Variants in RBFOX1 observed in about 807,000 individuals in gnomAD.
RBFOX1 encodes the protein RNA binding protein fox-1 homolog 1.
RBFOX1 carries 8 observed loss-of-function variants against 57.7 expected under a neutral mutation model. That is an observed-to-expected ratio of 0.14 (90% confidence interval 0.08 to 0.25). The LOEUF is 0.25. RBFOX1 is among the 10% of genes least tolerant of loss of function. The probability of loss-of-function intolerance (pLI) is 1.00; values close to 1 mark genes in which losing one functional copy is unlikely to be tolerated. For synonymous variants in RBFOX1, 326 were observed against 222.4 expected, an observed-to-expected ratio of 1.47 and a Z score of -4.15; for missense variants, 611 against 548.5, an observed-to-expected ratio of 1.11 and a Z score of -1.14.
intron 4 of RBFOX1, among the ~76,000 whole-genome samples, chr16:7,514,832 A>G (rs542569608): frequency 1.3e-5 from 2 of 152,190 alleles, no homozygotes; most frequent in Non-Finnish European, 2.9e-5. Flanking sequence ...TGCAAGAACT[A>G]GTAGGAATGG....
chr16:5,434,317 CTTTTTT>C (rs5815245), intron 1 of RBFOX1, among the ~76,000 whole-genome samples: 66 of 79,732 alleles, frequency 8.3e-4, no homozygotes, highest in African/African-American at 3.0e-3. Flanking sequence ...TGCTGAAGTC[CTTTTTT>C]TTTTTTTTTT....
At chr16:6,881,106 A>C (rs2062846090) in intron 3 of RBFOX1, among the ~76,000 whole-genome samples, 1 of 152,162 alleles carries the variant, frequency 6.6e-6, no homozygotes, top group African/African-American at 2.4e-5. Flanking sequence ...AGCTGGTCTT[A>C]CCATGCTTCT....
intron 2 of RBFOX1, among the ~76,000 whole-genome samples, chr16:5,581,518 C>G (rs192390649): frequency 2.0e-5 from 3 of 152,268 alleles, no homozygotes; most frequent in East Asian, 3.9e-4. Flanking sequence ...TAACTAATTA[C>G]AAGCTTTAGG....
chr16:6,694,342 G>C (rs747116477), intron 3 of RBFOX1, among the ~76,000 whole-genome samples: 1 of 152,094 alleles, frequency 6.6e-6, no homozygotes, highest in Non-Finnish European at 1.5e-5. Flanking sequence ...ATTTGGAGTT[G>C]GCGGAGATTA....
intron 1 of RBFOX1, among the ~76,000 whole-genome samples, chr16:6,180,272 T>G (rs886984236): frequency 7.1e-6 from 1 of 140,432 alleles, no homozygotes; most frequent in Non-Finnish European, 1.5e-5. Context: ...TTATGTGAAG[T>G]TTTTTTTGCC....
At chr16:5,443,390 T>G (rs2068144600) in intron 1 of RBFOX1, among the ~76,000 whole-genome samples, 1 of 152,142 alleles carries the variant, frequency 6.6e-6, no homozygotes, top group Non-Finnish European at 1.5e-5. Context: ...CAGGCTGGAG[T>G]GCAGTGTCGC....
intron 2 of RBFOX1, among the ~76,000 whole-genome samples, chr16:6,370,969 A>C (rs1013433215): frequency 1.3e-5 from 2 of 152,214 alleles, no homozygotes; most frequent in Admixed American, 1.3e-4. Context: ...TGGGTCTTTC[A>C]GCTGTTTCTT....
At chr16:6,946,335 T>G (rs1344615519) in intron 3 of RBFOX1, among the ~76,000 whole-genome samples, 3 of 152,224 alleles carry the variant, frequency 2.0e-5, no homozygotes, top group Non-Finnish European at 4.4e-5. Flanking sequence ...AAATAGTCAG[T>G]GGGCCAGGTC....
intron 4 of RBFOX1, among the ~76,000 whole-genome samples, chr16:7,238,403 C>G (rs948023677): frequency 2.6e-5 from 4 of 152,088 alleles, no homozygotes; most frequent in African/African-American, 9.7e-5. Flanking sequence ...GCCAGCTGCC[C>G]TTGTCTAAGT....
intron 1 of RBFOX1, among the ~76,000 whole-genome samples, chr16:6,286,946 G>A (rs1330092105): frequency 6.6e-6 from 1 of 152,164 alleles, no homozygotes; most frequent in Non-Finnish European, 1.5e-5. Context: ...TGGTAGAGTT[G>A]ACTTGAAGGA....
chr16:7,485,123 G>T (rs1567435084), intron 4 of RBFOX1, among the ~76,000 whole-genome samples: 1 of 151,846 alleles, frequency 6.6e-6, no homozygotes, highest in African/African-American at 2.4e-5. Flanking sequence ...TATTCCCTCA[G>T]GTAGGAAGTT....
intron 2 of RBFOX1, among the ~76,000 whole-genome samples, chr16:6,589,958 A>G (rs533953583): frequency 3.3e-5 from 5 of 152,322 alleles, no homozygotes; most frequent in Non-Finnish European, 5.9e-5. Flanking sequence ...AAAAGAATCA[A>G]TAATGACCAC....
At chr16:7,199,906 AC>A (rs2087860090) in intron 4 of RBFOX1, among the ~76,000 whole-genome samples, 1 of 147,066 alleles carries the variant, frequency 6.8e-6, no homozygotes, top group South Asian at 2.1e-4. Context: ...AAAAAACAAA[AC>A]AAAACAACAA....
In RBFOX1 at chr16:6,938,840, G is replaced by T. The variant is rs921346766; in HGVS notation, c.-15-113217G>T. On this transcript the variant is annotated intron_variant, in intron 3 of 15. Transcript: ENST00000550418. ...CCAGCTACTCGGTAGGCTGAGGCAG[G>T]AGAATCACTTGAACCTGAGAGGCAG... Among the ~76,000 whole-genome samples, 3 of 152,296 alleles carry T rather than the reference G, an allele frequency of 2.0e-5. No homozygotes were observed. In the South Asian group the frequency reaches 6.2e-4, roughly 32 times the overall value.
intron 6 of RBFOX1, among the ~76,000 whole-genome samples, chr16:7,580,162 G>C (rs1469513445): frequency 1.3e-5 from 2 of 152,106 alleles, no homozygotes; most frequent in African/African-American, 4.8e-5. Context: ...GAAGTAACTT[G>C]TAGGCCAAAT....
At chr16:6,234,807 C>CTG (rs1218323554) in intron 1 of RBFOX1, among the ~76,000 whole-genome samples, 1 of 146,016 alleles carries the variant, frequency 6.8e-6, no homozygotes, top group Non-Finnish European at 1.5e-5. Context: ...TACGCATGAA[C>CTG]TACACACAGA....
chr16:7,436,085 C>G (rs561032892), intron 4 of RBFOX1, among the ~76,000 whole-genome samples: 1 of 152,272 alleles, frequency 6.6e-6, no homozygotes, highest in South Asian at 2.1e-4. Context: ...GCAAACAACT[C>G]TGTTATGGAG....
At chr16:7,623,655 C>G (rs1001933851) in intron 10 of RBFOX1, among the ~76,000 whole-genome samples, 10 of 152,148 alleles carry the variant, frequency 6.6e-5, no homozygotes, top group African/African-American at 2.4e-4. Flanking sequence ...TGCTGTGTGG[C>G]CCAGTAGGGT....
intron 3 of RBFOX1, among the ~76,000 whole-genome samples, chr16:5,866,103 G>A (rs1480894981): frequency 6.6e-6 from 1 of 152,150 alleles, no homozygotes; most frequent in East Asian, 1.9e-4. Flanking sequence ...GAGTAGCTGC[G>A]ATTACAGGTG....
Sources: gnomAD v4.1 joint callset for allele counts (sites outside exome capture counted in the v4.1 genomes callset) on GRCh38, gnomAD v4.1.1 for gene constraint, MANE v1.5 for transcripts, NCBI Gene and HGNC (gene_info 2026-07-23, HGNC 2026-07-21) for gene names.